Variants in SLC24A2 observed in about 807,000 individuals in gnomAD.
The protein encoded by SLC24A2 is solute carrier family 24 member 2.
In SLC24A2, 36 loss-of-function variants were observed where a neutral mutation model predicts 62.0. That is an observed-to-expected ratio of 0.58 (90% CI 0.44 to 0.77). The LOEUF (loss-of-function observed/expected upper bound fraction) is 0.77, where lower values mean the gene tolerates loss of function less well. Ranked by LOEUF, SLC24A2 falls within the 30% of genes least tolerant of loss-of-function variation. SLC24A2 has a pLI of 0.00. For missense variants in SLC24A2, 846 were observed against 817.9 expected (o/e 1.03, Z -0.42); for synonymous variants, 358 against 294.0 (o/e 1.22, Z -2.23).
At chr9:20,202,050 GGTGT>G in the SLC24A2 span, among the ~76,000 whole-genome samples, 10,822 of 141,644 alleles carry the variant, frequency 0.076, 756 homozygotes, top group African/African-American at 0.19. Flanking sequence ...CCCATTTCAT[GGTGT>G]GTGTGTGTGT....
chr9:19,752,889 A>G (rs762549647), intron 2 of SLC24A2, among the ~76,000 whole-genome samples: 32 of 152,200 alleles, frequency 2.1e-4, no homozygotes, highest in Non-Finnish European at 4.0e-4. Context: ...GACCCAAGGC[A>G]ATCTAGCACC....
chr9:19,970,064 A>G, the SLC24A2 span, among the ~76,000 whole-genome samples: 1 of 152,148 alleles, frequency 6.6e-6, no homozygotes, highest in African/African-American at 2.4e-5. Context: ...AGCACAAATA[A>G]TGGGCTGAGA....
At chr9:19,771,870 G>A (rs1822701094) in intron 2 of SLC24A2, among the ~76,000 whole-genome samples, 1 of 152,144 alleles carries the variant, frequency 6.6e-6, no homozygotes, top group East Asian at 1.9e-4. Flanking sequence ...TGTTCAAGAT[G>A]GATGCAAATG....
the SLC24A2 span, among the ~76,000 whole-genome samples, chr9:20,163,594 C>A: frequency 6.6e-6 from 1 of 152,148 alleles, no homozygotes; most frequent in African/African-American, 2.4e-5. Context: ...CCCCATCAAG[C>A]TACCAATGAC....
chr9:20,050,242 A>G, the SLC24A2 span, among the ~76,000 whole-genome samples: 21 of 144,900 alleles, frequency 1.4e-4, no homozygotes, highest in East Asian at 1.4e-3. Flanking sequence ...CGTCTCTACA[A>G]AAAAAAAAAA....
the SLC24A2 span, among the ~76,000 whole-genome samples, chr9:19,803,509 C>G: frequency 6.6e-6 from 1 of 152,082 alleles, no homozygotes; most frequent in Non-Finnish European, 1.5e-5. Flanking sequence ...GGGAGAAAGT[C>G]TGGAGTTTTA....
chr9:19,882,955 T>C, the SLC24A2 span, among the ~76,000 whole-genome samples: 1 of 152,220 alleles, frequency 6.6e-6, no homozygotes, highest in East Asian at 1.9e-4. Context: ...AATTGCACTG[T>C]AAGAGAATCT....
the SLC24A2 span, among the ~76,000 whole-genome samples, chr9:20,135,727 A>AT: frequency 6.5e-4 from 99 of 151,522 alleles, 2 homozygotes; most frequent in South Asian, 1.9e-3. Flanking sequence ...AGTTTTGCTT[A>AT]TTTTTTTTTA....
At chr9:20,106,244 T>C in the SLC24A2 span, among the ~76,000 whole-genome samples, 3 of 152,280 alleles carry the variant, frequency 2.0e-5, no homozygotes, top group Non-Finnish European at 2.9e-5. Context: ...AACAGATGGA[T>C]TCACAGCCGA....
chr9:20,065,892 G>A, the SLC24A2 span, among the ~76,000 whole-genome samples: 1 of 152,142 alleles, frequency 6.6e-6, no homozygotes, highest in Non-Finnish European at 1.5e-5. Context: ...CCAGCCAAAA[G>A]TCCTCCCGGG....
the SLC24A2 span, among the ~76,000 whole-genome samples, chr9:19,900,572 C>T: frequency 1.3e-5 from 2 of 152,072 alleles, no homozygotes; most frequent in Non-Finnish European, 2.9e-5. Flanking sequence ...CTCAGTTGCT[C>T]ATTTGTGAAA....
the SLC24A2 span, among the ~76,000 whole-genome samples, chr9:19,998,250 G>T: frequency 6.6e-6 from 1 of 152,100 alleles, no homozygotes; most frequent in Non-Finnish European, 1.5e-5. Context: ...CTCTGAGTGT[G>T]CCCCTCTTCA....
the SLC24A2 span, among the ~76,000 whole-genome samples, chr9:19,922,799 G>C: frequency 4.8e-3 from 727 of 152,144 alleles, 10 homozygotes; most frequent in African/African-American, 0.017. Context: ...GGGTAAAAGA[G>C]GAGCTTGTAC....
the SLC24A2 span, among the ~76,000 whole-genome samples, chr9:19,904,122 G>A: frequency 7.2e-4 from 110 of 152,298 alleles, no homozygotes; most frequent in African/African-American, 2.5e-3. Flanking sequence ...ACTCCTTGAA[G>A]TATGTGCAAG....
At chr9:19,983,505 T>C in the SLC24A2 span, among the ~76,000 whole-genome samples, 1 of 151,536 alleles carries the variant, frequency 6.6e-6, no homozygotes, top group Non-Finnish European at 1.5e-5. Context: ...TACCCGGGCA[T>C]GGTGGCATTC....
At chr9:20,188,952 T>C in the SLC24A2 span, among the ~76,000 whole-genome samples, 9 of 152,184 alleles carry the variant, frequency 5.9e-5, no homozygotes, top group South Asian at 1.7e-3. Context: ...AAGCAGGAAA[T>C]CTGAGTTATT....
At chr9:19,649,487 G>T (rs749222980) in intron 2 of SLC24A2, among the ~76,000 whole-genome samples, 2 of 152,112 alleles carry the variant, frequency 1.3e-5, no homozygotes, top group East Asian at 1.9e-4. Context: ...GGGGTAGGGG[G>T]TTGGTGAGAA....
chr9:19,878,590 G>A, the SLC24A2 span, among the ~76,000 whole-genome samples: 1 of 152,068 alleles, frequency 6.6e-6, no homozygotes, highest in Admixed American at 6.6e-5. Context: ...GATCATGGGG[G>A]TGGATTTCCC....
chr9:19,829,253 G>T, the SLC24A2 span, among the ~76,000 whole-genome samples: 9 of 152,102 alleles, frequency 5.9e-5, no homozygotes, highest in Non-Finnish European at 1.0e-4. Flanking sequence ...AGTCCATAGG[G>T]TGCACTTGCA....
Sources: gnomAD v4.1 joint callset for allele counts (sites outside exome capture counted in the v4.1 genomes callset) on GRCh38, gnomAD v4.1.1 for gene constraint, MANE v1.5 for transcripts, NCBI Gene and HGNC (gene_info 2026-07-23, HGNC 2026-07-21) for gene names.